The following NPAS1 variants were observed in gnomAD, a reference collection of about 807,000 sequenced individuals.
The protein encoded by NPAS1 is neuronal PAS domain protein 1, also known as neuronal PAS domain-containing protein 1.
NPAS1 carries 29 observed loss-of-function variants against 49.2 expected under a neutral mutation model. The ratio of observed to expected loss-of-function variants is 0.59; its 90% confidence interval spans 0.44 to 0.80. The LOEUF (loss-of-function observed/expected upper bound fraction) is 0.80. Among genes scored for constraint, NPAS1 ranks in the 30% least tolerant of loss-of-function variants. NPAS1 has a pLI of 0.00. For synonymous variants in NPAS1, 408 were observed against 380.4 expected, an observed-to-expected ratio of 1.07 and a Z score of -0.84; for missense variants, 825 against 835.5, an observed-to-expected ratio of 0.99 and a Z score of 0.15.
At position 47,021,664 on chromosome 19, in the gene NPAS1, G is replaced by T; in HGVS notation, c.175G>T (p.Gly59Trp). 6.4e-7 allele frequency: 1 copy of T among 1,558,100 alleles called. No homozygotes were observed. Residue 59 changes from glycine to tryptophan, a missense_variant, in exon 3 of 12, where the codon GGG (glycine) becomes TGG (tryptophan). Coordinates refer to ENST00000602212, the MANE Select transcript of NPAS1 (RefSeq NM_002517.4). This position sits in a 1 kb window ranked among gnomAD's most constrained non-coding sequence, Gnocchi z 5.7. ...CCGGAACGCGGCGCGCTCGCGGCGCGGGAAGGAGAACCTGGAGTTCTTCGA... is the reference window on the plus strand; with the variant it reads ...CCGGAACGCGGCGCGCTCGCGGCGCTGGAAGGAGAACCTGGAGTTCTTCGA... ...KSRNAARSRR[G>W]KENLEFFELA...
At chr19:47,028,210 G>A (rs1213862403) in intron 3 of NPAS1, among the ~76,000 whole-genome samples, 2 of 152,128 alleles carry the variant, frequency 1.3e-5, no homozygotes, top group Non-Finnish European at 2.9e-5. Context: ...GGGGAAAATT[G>A]CGACAATTAG....
chr19:47,040,729 ATG>A, intron 9 of NPAS1, 179 bp downstream of exon 9: 16 of 576,244 alleles, frequency 2.8e-5, no homozygotes, highest in South Asian at 4.1e-5. Context: ...ATGCCTCAGG[ATG>A]TGTGTGTGGG....
chr19:47,042,987 C>T lies in NPAS1; in HGVS notation c.1312+83C>T. 4 of 1,009,340 alleles carry T rather than the reference C, an allele frequency of 4.0e-6. No individual in the cohort carries two copies. In the South Asian group the frequency reaches 7.4e-5, roughly 19 times the overall value. 62.5% of individuals were successfully genotyped at this position (1,009,340 alleles called of 1,614,324 possible). On this transcript the variant is annotated intron_variant, in intron 11 of 11. Coordinates refer to ENST00000602212, the MANE Select transcript of NPAS1 (RefSeq NM_002517.4). Reference sequence around the variant, plus strand: ...GCTGTCCATTCCAGAAGCCACTAGCCACATGCAGCCATTTATATACAATTA... The same window carrying T: ...GCTGTCCATTCCAGAAGCCACTAGCTACATGCAGCCATTTATATACAATTA...
chr19:47,036,488 C>T (rs1408886540), intron 6 of NPAS1, among the ~76,000 whole-genome samples: 3 of 152,198 alleles, frequency 2.0e-5, no homozygotes, highest in South Asian at 2.1e-4. Context: ...CGCCTGTAAC[C>T]CCGGCACTTC....
chr19:47,030,408 A>G (rs2056898049), intron 3 of NPAS1, among the ~76,000 whole-genome samples: 1 of 152,134 alleles, frequency 6.6e-6, no homozygotes, highest in Non-Finnish European at 1.5e-5. Flanking sequence ...CTAGTGACTA[A>G]TGATGTTGGG....
At position 47,039,446 on chromosome 19, in the gene NPAS1, G is replaced by C; in HGVS notation, c.844G>C (p.Gly282Arg). ...TGGGCGCCTTCGGGCCCACGCCCTGGGCCTTGTGGCCCTCGGGCACACGTT... is the reference window on the plus strand; with the variant it reads ...TGGGCGCCTTCGGGCCCACGCCCTGCGCCTTGTGGCCCTCGGGCACACGTT... ...VTGRLRAHALGLVALGHTLPP... is the reference protein window; with the variant it reads ...VTGRLRAHALRLVALGHTLPP... Residue 282 changes from glycine to arginine, a missense_variant, in exon 8 of 12, where the codon GGC becomes CGC. Coordinates refer to ENST00000602212, the MANE Select transcript of NPAS1 (RefSeq NM_002517.4). The C allele has an allele frequency of 6.2e-7, 1 of 1,611,836 alleles. No homozygotes were observed. The highest frequency in any genetic ancestry group is 8.5e-7 in the Non-Finnish European group (1 of 1,179,776).
chr19:47,044,523 GAA>G (rs1485896183), intron 11 of NPAS1, among the ~76,000 whole-genome samples: 1 of 152,220 alleles, frequency 6.6e-6, no homozygotes, highest in African/African-American at 2.4e-5. Context: ...CTCTATCCTG[GAA>G]ACTTCCACTG....
At chr19:47,028,170 G>A (rs2122465543) in intron 3 of NPAS1, among the ~76,000 whole-genome samples, 1 of 152,072 alleles carries the variant, frequency 6.6e-6, no homozygotes, top group African/African-American at 2.4e-5. Context: ...TCCTGGGAGA[G>A]GGAAAATGAA....
intron 3 of NPAS1, among the ~76,000 whole-genome samples, chr19:47,031,561 C>T (rs1421851627): frequency 2.8e-5 from 4 of 141,106 alleles, no homozygotes; most frequent in African/African-American, 5.3e-5. Flanking sequence ...GATGGAGTCT[C>T]GCACTGTCAT....
chr19:47,037,753 A>G (rs2122520249), intron 6 of NPAS1, among the ~76,000 whole-genome samples: 1 of 152,320 alleles, frequency 6.6e-6, no homozygotes, highest in South Asian at 2.1e-4. Flanking sequence ...AGTCTGCAAC[A>G]CGTGCAGGCT....
chr19:47,021,205 C>CT lies in NPAS1; in HGVS notation c.122+36_122+37insT. 6.7e-7 allele frequency: 1 copy of CT among 1,483,916 alleles called. No homozygotes were observed. The highest frequency in any genetic ancestry group is 2.3e-5 in the Admixed American group (1 of 43,436). 91.9% of individuals were successfully genotyped at this position (1,483,916 alleles called of 1,614,324 possible). On this transcript the variant is annotated intron_variant, in intron 2 of 11. Coordinates refer to ENST00000602212, the MANE Select transcript of NPAS1 (RefSeq NM_002517.4). This position sits in a 1 kb window ranked among gnomAD's most constrained non-coding sequence, Gnocchi z 5.7. ...CCCCGCCCCCCTGGCCGCGGGCCCCCCCCCGGGTCCAATTCACACCCGATG... is the reference window on the plus strand; with the variant it reads ...CCCCGCCCCCCTGGCCGCGGGCCCCCTCCCCGGGTCCAATTCACACCCGATG...
At chr19:47,037,932 C>T (rs1421447044) in intron 6 of NPAS1, among the ~76,000 whole-genome samples, 1 of 152,214 alleles carries the variant, frequency 6.6e-6, no homozygotes, top group African/African-American at 2.4e-5. Flanking sequence ...GTCCTGGTGA[C>T]ATAGGAGTGA....
chr19:47,020,767 G>T, intron 1 of NPAS1: 2 of 225,778 alleles, frequency 8.9e-6, no homozygotes, highest in Non-Finnish European at 1.7e-5. Context: ...CGGGCGTGAG[G>T]CGGGCGCGCT....
intron 8 of NPAS1, 130 bp from the exon 9 acceptor site, chr19:47,040,314 C>T (rs1480165967): frequency 8.0e-6 from 5 of 622,398 alleles, no homozygotes; most frequent in East Asian, 2.8e-5. Flanking sequence ...TGAGCCACCG[C>T]GCCTGCCAAC....
chr19:47,040,917 T>C (rs2057013678), intron 9 of NPAS1, 61 bp from the exon 10 acceptor site: 1 of 1,372,578 alleles, frequency 7.3e-7, no homozygotes. Context: ...TCTACCTGGC[T>C]CTCTGTCTTG....
Position 47,021,229 on chromosome 19 carries a change from T to C in NPAS1, c.122+60T>C. On this transcript the variant is annotated intron_variant, in intron 2 of 11. Transcript: ENST00000602212. The surrounding 1 kb of genome is among the most constrained non-coding windows in gnomAD (Gnocchi z 5.7). ...CCCCCCGGGTCCAATTCACACCCGA[T>C]GTTCTGTCCCCGTGCCAAGGGGCAG... is the stretch of plus-strand genomic sequence containing the variant. The C allele has an allele frequency of 1.4e-6, 2 of 1,409,684 alleles. No homozygotes were observed. Among genetic ancestry groups the C allele is most frequent in the Middle Eastern group, 2.4e-4 (1 of 4,134 alleles). The allele number at this position is 1,409,684 out of a possible 1,614,324, so 87.3% of individuals were successfully genotyped here.
chr19:47,024,528 A>T (rs1027423385), intron 3 of NPAS1, among the ~76,000 whole-genome samples: 3 of 152,170 alleles, frequency 2.0e-5, no homozygotes, highest in African/African-American at 4.8e-5. Flanking sequence ...AGATAAAATG[A>T]CTTTCTTTTT....
chr19:47,033,027 C>T (rs6509310), intron 5 of NPAS1, among the ~76,000 whole-genome samples: 17,075 of 152,182 alleles, frequency 0.11, 1,141 homozygotes, highest in South Asian at 0.18. Flanking sequence ...GCAACCTCCA[C>T]CTCCCGGGTT....
In NPAS1 at chr19:47,040,973, C is replaced by T. The variant is rs766268247; in HGVS notation, c.1070-5C>T. 3.4e-6 allele frequency: 5 copies of T among 1,470,814 alleles called. No individual in the cohort carries two copies. In the African/African-American group the frequency reaches 7.0e-5, roughly 21 times the overall value. 91.1% of individuals were successfully genotyped at this position (1,470,814 alleles called of 1,614,324 possible). ...CCTTCCCATCTCTCCCTGGGCTGGG[C>T]CCAGTGCTGGACAAGGGTCAGGTGA... On this transcript the variant is annotated splice_region_variant and splice_polypyrimidine_tract_variant and intron_variant, in intron 9 of 11. Coordinates refer to ENST00000602212, the MANE Select transcript of NPAS1 (RefSeq NM_002517.4).
Sources: gnomAD v4.1 joint callset for allele counts (sites outside exome capture counted in the v4.1 genomes callset) on GRCh38, gnomAD v4.1.1 for gene constraint, Gnocchi (gnomAD v3.1) non-coding constraint, MANE v1.5 for transcripts, NCBI Gene and HGNC (gene_info 2026-07-23, HGNC 2026-07-21) for gene names.